GPR158: variants seen among roughly 807,000 people sequenced by gnomAD.
The protein encoded by GPR158 is metabotropic glycine receptor.
GPR158 carries 30 observed loss-of-function variants against 78.2 expected under a neutral mutation model. That is an observed-to-expected ratio of 0.38 (90% CI 0.29 to 0.52). The LOEUF is 0.52. Ranked by LOEUF, GPR158 falls within the 20% of genes least tolerant of loss-of-function variation. The pLI is 0.83. For missense variants in GPR158, 1,463 were observed against 1,523.5 expected (o/e 0.96, Z 0.66); for synonymous variants, 581 against 591.1 (o/e 0.98, Z 0.25).
At chr10:25,377,551 C>T (rs1454818124) in intron 2 of GPR158, among the ~76,000 whole-genome samples, 1 of 152,018 alleles carries the variant, frequency 6.6e-6, no homozygotes. Flanking sequence ...CAGCAGCCAA[C>T]ACTTGGCAAT....
At chr10:25,296,851 G>T (rs1854522525) in intron 2 of GPR158, among the ~76,000 whole-genome samples, 1 of 152,198 alleles carries the variant, frequency 6.6e-6, no homozygotes, top group Admixed American at 6.5e-5. Context: ...ATTCCAGGCT[G>T]AATCCACTGC....
intron 7 of GPR158, among the ~76,000 whole-genome samples, chr10:25,586,391 AT>A (rs71399977): frequency 2.8e-3 from 200 of 70,880 alleles, no homozygotes; most frequent in African/African-American, 6.1e-3. Context: ...GTATGTGTGA[AT>A]TTTTTTTTTT....
intron 1 of GPR158, among the ~76,000 whole-genome samples, chr10:25,195,315 C>T (rs1236543959): frequency 6.6e-6 from 1 of 152,036 alleles, no homozygotes; most frequent in Non-Finnish European, 1.5e-5. Flanking sequence ...AAGCAAGTCT[C>T]ATGCCTCAGC....
At chr10:25,380,380 T>C (rs1378719101) in intron 2 of GPR158, among the ~76,000 whole-genome samples, 2 of 152,224 alleles carry the variant, frequency 1.3e-5, no homozygotes, top group African/African-American at 4.8e-5. Flanking sequence ...TTTATAAAAC[T>C]GAAATCATAT....
At chr10:25,488,925 AG>A (rs902121294) in intron 5 of GPR158, among the ~76,000 whole-genome samples, 5 of 152,088 alleles carry the variant, frequency 3.3e-5, no homozygotes, top group African/African-American at 1.2e-4. Flanking sequence ...AGTGTGCTAA[AG>A]TTCATGAAAA....
chr10:25,364,130 AAAT>A (rs575407869), intron 2 of GPR158, among the ~76,000 whole-genome samples: 126 of 152,112 alleles, frequency 8.3e-4, no homozygotes, highest in Non-Finnish European at 6.3e-4. Flanking sequence ...TCAGTAAGGA[AAAT>A]AATATTTAAA....
At chr10:25,565,986 T>G (rs1836924208) in intron 6 of GPR158, among the ~76,000 whole-genome samples, 1 of 152,164 alleles carries the variant, frequency 6.6e-6, no homozygotes, top group Non-Finnish European at 1.5e-5. Context: ...AAGATGTTAC[T>G]AGAGCGAGAA....
intron 3 of GPR158, among the ~76,000 whole-genome samples, chr10:25,398,160 G>T (rs1301445791): frequency 6.6e-6 from 1 of 152,166 alleles, no homozygotes; most frequent in Non-Finnish European, 1.5e-5. Flanking sequence ...TTTCAGCCTG[G>T]TGAGGCCCTA....
intron 5 of GPR158, among the ~76,000 whole-genome samples, chr10:25,549,525 CT>C (rs1357578760): frequency 6.6e-6 from 1 of 151,870 alleles, no homozygotes; most frequent in African/African-American, 2.4e-5. Context: ...AAATATTTAT[CT>C]GTATCTTCAC....
At chr10:25,227,857 G>C (rs139774421) in intron 2 of GPR158, among the ~76,000 whole-genome samples, 176 of 152,280 alleles carry the variant, frequency 1.2e-3, no homozygotes, top group African/African-American at 4.1e-3. Context: ...TAAAAGAGAA[G>C]TCTTCACACA....
At chr10:25,429,648 A>C (rs1350594222) in intron 4 of GPR158, among the ~76,000 whole-genome samples, 1 of 151,464 alleles carries the variant, frequency 6.6e-6, no homozygotes, top group African/African-American at 2.4e-5. Flanking sequence ...AGCACATCAA[A>C]AAGCTTATCC....
chr10:25,438,194 C>T (rs1322509302), intron 4 of GPR158, among the ~76,000 whole-genome samples: 1 of 152,076 alleles, frequency 6.6e-6, no homozygotes, highest in Non-Finnish European at 1.5e-5. Flanking sequence ...GTGTTCTTGG[C>T]TAGAGTTAGG....
chr10:25,360,045 G>A (rs1316839888), intron 2 of GPR158, among the ~76,000 whole-genome samples: 1 of 152,132 alleles, frequency 6.6e-6, no homozygotes, highest in Non-Finnish European at 1.5e-5. Context: ...TTTGTTGGCT[G>A]CATAAATGTC....
At chr10:25,248,368 G>C (rs1323328508) in intron 2 of GPR158, among the ~76,000 whole-genome samples, 1 of 152,116 alleles carries the variant, frequency 6.6e-6, no homozygotes, top group Non-Finnish European at 1.5e-5. Context: ...TGCTTTTGGT[G>C]TTTTGGACAT....
chr10:25,423,153 ATATG>A (rs1834776779), intron 4 of GPR158, among the ~76,000 whole-genome samples: 2 of 147,836 alleles, frequency 1.4e-5, no homozygotes, highest in African/African-American at 2.6e-5. Context: ...ATATATATGT[ATATG>A]TATATATGTG....
chr10:25,378,020 C>A (rs1834105986), intron 2 of GPR158, among the ~76,000 whole-genome samples: 1 of 152,076 alleles, frequency 6.6e-6, no homozygotes, highest in African/African-American at 2.4e-5. Context: ...TTCTCTGTAT[C>A]CTTGCCAACA....
chr10:25,496,744 G>A (rs1273663961), intron 5 of GPR158, among the ~76,000 whole-genome samples: 4 of 152,180 alleles, frequency 2.6e-5, no homozygotes, highest in South Asian at 2.1e-4. Flanking sequence ...CAAAAACACC[G>A]AGCCAGGCCA....
intron 1 of GPR158, among the ~76,000 whole-genome samples, chr10:25,211,802 CTTA>C (rs1254817010): frequency 6.6e-6 from 1 of 152,172 alleles, no homozygotes; most frequent in African/African-American, 2.4e-5. Flanking sequence ...TAGTGATCCA[CTTA>C]TTATATTTAT....
chr10:25,377,419 A>G (rs565050475), intron 2 of GPR158, among the ~76,000 whole-genome samples: 12 of 152,124 alleles, frequency 7.9e-5, no homozygotes, highest in Admixed American at 3.3e-4. Flanking sequence ...TTACCTTTCT[A>G]AAGTGTAGAA....
Sources: allele counts gnomAD v4.1 joint callset (sites outside exome capture counted in the v4.1 genomes callset), GRCh38; gene constraint gnomAD v4.1.1; transcripts MANE v1.5; gene names NCBI Gene and HGNC (gene_info 2026-07-23, HGNC 2026-07-21).